ANKH: variants seen among roughly 807,000 people sequenced by gnomAD.
The protein encoded by ANKH is mineralization regulator ANKH.
ANKH carries 15 observed loss-of-function variants against 49.0 expected under a neutral mutation model. That is an observed-to-expected ratio of 0.31 (90% CI 0.20 to 0.47). ANKH has a LOEUF of 0.47. Ranked by LOEUF, ANKH falls within the 20% of genes least tolerant of loss-of-function variation. The pLI, the probability that ANKH is intolerant of heterozygous loss-of-function variation, is 1.00. For missense variants in ANKH, 429 were observed against 652.0 expected, an observed-to-expected ratio of 0.66 and a Z score of 3.72; for synonymous variants, 273 against 260.0, an observed-to-expected ratio of 1.05 and a Z score of -0.48.
chr5:14,732,449 A>G (rs1738035907), intron 8 of ANKH, among the ~76,000 whole-genome samples: 1 of 152,202 alleles, frequency 6.6e-6, no homozygotes. Context: ...AAACCCACAC[A>G]AATTTGAAGA....
intron 3 of ANKH, 136 bp downstream of exon 3, chr5:14,758,344 T>C (rs895634964): frequency 4.1e-6 from 3 of 732,210 alleles, no homozygotes; most frequent in Non-Finnish European, 7.2e-6. Context: ...TGAAGATTGG[T>C]TACACAATAA....
At chr5:14,820,482 G>T (rs1029832962) in intron 1 of ANKH, among the ~76,000 whole-genome samples, 4 of 152,216 alleles carry the variant, frequency 2.6e-5, no homozygotes, top group Non-Finnish European at 5.9e-5. Context: ...CCAACAAGCA[G>T]AGTGAGAGGA....
intron 1 of ANKH, among the ~76,000 whole-genome samples, chr5:14,859,759 G>A (rs760020244): frequency 2.0e-5 from 3 of 152,156 alleles, no homozygotes; most frequent in East Asian, 1.9e-4. Flanking sequence ...GTACGCATCC[G>A]TCATTTGACA....
At chr5:14,733,770 G>A (rs1455312942) in intron 8 of ANKH, among the ~76,000 whole-genome samples, 4 of 152,176 alleles carry the variant, frequency 2.6e-5, no homozygotes, top group South Asian at 2.1e-4. Flanking sequence ...GCTCGTGTGC[G>A]GAGCCCCGTG....
chr5:14,805,650 T>C (rs1740690043), intron 1 of ANKH, among the ~76,000 whole-genome samples: 1 of 151,974 alleles, frequency 6.6e-6, no homozygotes. Flanking sequence ...CTTAGTTACC[T>C]TGTTGTTGTC....
At chr5:14,796,368 G>A (rs1168406072) in intron 1 of ANKH, among the ~76,000 whole-genome samples, 3 of 148,860 alleles carry the variant, frequency 2.0e-5, no homozygotes, top group African/African-American at 5.0e-5. Context: ...ACAATTTATC[G>A]ATTCACTCTT....
intron 8 of ANKH, among the ~76,000 whole-genome samples, chr5:14,721,669 T>C (rs12187020): frequency 0.017 from 2,560 of 152,266 alleles, 39 homozygotes; most frequent in Non-Finnish European, 0.023. Context: ...TGGTGGCTCA[T>C]GCCTGTAATC....
chr5:14,797,105 C>T, intron 1 of ANKH: 2 of 1,357,180 alleles, frequency 1.5e-6, no homozygotes, highest in South Asian at 1.2e-5. Context: ...TCTAAAATCA[C>T]AAGAAGTAAA....
At chr5:14,768,154 G>A (rs1294407719) in intron 2 of ANKH, 1 of 152,142 alleles carries the variant, frequency 6.6e-6, no homozygotes, top group Non-Finnish European at 1.5e-5. Flanking sequence ...CACTGTAAAC[G>A]GTCTGGGTTA....
intron 7 of ANKH, among the ~76,000 whole-genome samples, chr5:14,742,596 C>A (rs979716586): frequency 6.6e-6 from 1 of 152,208 alleles, no homozygotes; most frequent in Non-Finnish European, 1.5e-5. Context: ...CTGGGCCCCA[C>A]CTCCTGTAAA....
intron 1 of ANKH, among the ~76,000 whole-genome samples, chr5:14,843,334 C>A (rs1055436279): frequency 6.6e-6 from 1 of 151,908 alleles, no homozygotes; most frequent in African/African-American, 2.4e-5. Context: ...TGCCACCACA[C>A]CTGGCTAATT....
At chr5:14,719,311 A>G (rs1054446777) in intron 8 of ANKH, among the ~76,000 whole-genome samples, 16 of 152,262 alleles carry the variant, frequency 1.1e-4, no homozygotes, top group Non-Finnish European at 1.6e-4. Context: ...TCAGGGCCTC[A>G]AAAGTTTTAC....
chr5:14,817,558 C>T (rs1188659047), intron 1 of ANKH, among the ~76,000 whole-genome samples: 2 of 152,154 alleles, frequency 1.3e-5, no homozygotes, highest in Admixed American at 6.5e-5. Context: ...CTCAATCCTC[C>T]TACTGTATAC....
chr5:14,749,461 T>A (rs76025066), intron 5 of ANKH, among the ~76,000 whole-genome samples, 155 bp from the exon 6 acceptor site: 1 of 152,210 alleles, frequency 6.6e-6, no homozygotes. Flanking sequence ...ACAAGCCAAG[T>A]TGAATTAAAA....
At chr5:14,755,432 A>C (rs1738854230) in intron 4 of ANKH, among the ~76,000 whole-genome samples, 1 of 152,218 alleles carries the variant, frequency 6.6e-6, no homozygotes, top group African/African-American at 2.4e-5. Context: ...GATTATAAGA[A>C]CATTGAAGAA....
chr5:14,720,394 C>G (rs1737621605), intron 8 of ANKH, among the ~76,000 whole-genome samples: 1 of 152,196 alleles, frequency 6.6e-6, no homozygotes, highest in African/African-American at 2.4e-5. Flanking sequence ...CACTGCAAAG[C>G]TACTAGCCTA....
intron 11 of ANKH, among the ~76,000 whole-genome samples, chr5:14,712,471 C>CCTGT (rs1331478970): frequency 2.0e-5 from 3 of 152,276 alleles, no homozygotes; most frequent in Admixed American, 1.3e-4. Context: ...TGCCCGAGCT[C>CCTGT]CTGTCTTGGA....
At chr5:14,740,537 G>T (rs1023465535) in intron 8 of ANKH, among the ~76,000 whole-genome samples, 2 of 152,232 alleles carry the variant, frequency 1.3e-5, no homozygotes, top group Admixed American at 6.5e-5. Flanking sequence ...ACAGGGACAG[G>T]CTGGCAAAAG....
chr5:14,796,980 C>T, intron 1 of ANKH: 3 of 1,090,516 alleles, frequency 2.8e-6, no homozygotes, highest in Non-Finnish European at 3.6e-6. Context: ...AAAACACCCA[C>T]TGTTTGGGCT....
Sources: allele counts gnomAD v4.1 joint callset (sites outside exome capture counted in the v4.1 genomes callset), GRCh38; gene constraint gnomAD v4.1.1; transcripts MANE v1.5; gene names NCBI Gene and HGNC (gene_info 2026-07-23, HGNC 2026-07-21).